RYR3: variants seen among roughly 807,000 people sequenced by gnomAD.
The protein encoded by RYR3 is ryanodine receptor 3, also known as brain ryanodine receptor-calcium release channel.
A neutral mutation model predicts 584.3 loss-of-function variants in RYR3; 207 were observed. The observed-to-expected ratio is 0.35, with a 90% CI of 0.32 to 0.40. The LOEUF is 0.40. Among genes scored for constraint, RYR3 ranks in the 10% least tolerant of loss-of-function variants. The pLI is 1.00. For synonymous variants in RYR3, 2,416 were observed against 2,248.5 expected (o/e 1.07, Z -2.11); for missense variants, 5,616 against 6,089.2 (o/e 0.92, Z 2.59).
chr15:33,360,890 G>C (rs970910547), intron 1 of RYR3, among the ~76,000 whole-genome samples: 1 of 152,262 alleles, frequency 6.6e-6, no homozygotes, highest in African/African-American at 2.4e-5. Context: ...AGACAGGACA[G>C]TAGACAGACC....
At chr15:33,558,068 T>G (rs762027235) in intron 10 of RYR3, among the ~76,000 whole-genome samples, 81 of 152,310 alleles carry the variant, frequency 5.3e-4, no homozygotes, top group Admixed American at 9.8e-4. Context: ...AAATCCCAGT[T>G]TTTTTTCTGA....
intron 86 of RYR3, among the ~76,000 whole-genome samples, chr15:33,833,786 G>A (rs1015206355): frequency 3.3e-5 from 5 of 152,180 alleles, no homozygotes; most frequent in African/African-American, 7.2e-5. Flanking sequence ...ACAAACTTAC[G>A]TGATTTGGGA....
Position 33,857,817 on chromosome 15 carries a change from A to C in RYR3, c.14045A>C (p.Tyr4682Ser), listed in dbSNP as rs1402253573. The C allele has an allele frequency of 1.2e-6, 2 of 1,614,020 alleles. No homozygotes were observed. The highest frequency in any genetic ancestry group is 1.7e-6 in the Non-Finnish European group (2 of 1,179,974). The stretch of plus-strand genomic sequence containing the variant: ...GTCGGTCTCCTGGCCGTGGTGGTTT[A>C]TCTCTATACTGTGGTGGCTTTCAAC... ...LTVGLLAVVV[Y>S]LYTVVAFNFF... Residue 4682 changes from tyrosine (Y) to serine (S), a missense_variant, in exon 99 of 104, where the codon TAT (tyrosine) becomes TCT (serine). By Grantham distance (144) the Tyr-to-Ser change is moderately radical. Coordinates refer to ENST00000634891, the MANE Select transcript of RYR3 (RefSeq NM_001036.6).
intron 1 of RYR3, among the ~76,000 whole-genome samples, chr15:33,338,323 A>G (rs747047735): frequency 1.3e-5 from 2 of 152,158 alleles, no homozygotes; most frequent in African/African-American, 2.4e-5. Context: ...CGGGGCTCCA[A>G]ATTTAAAGGG....
chr15:33,626,742 G>A (rs2061010626), intron 20 of RYR3, among the ~76,000 whole-genome samples: 1 of 152,138 alleles, frequency 6.6e-6, no homozygotes, highest in Non-Finnish European at 1.5e-5. Flanking sequence ...AGGGGCCAAG[G>A]TACAGCTCAG....
intron 10 of RYR3, among the ~76,000 whole-genome samples, chr15:33,553,968 A>G (rs2056878957): frequency 6.6e-6 from 1 of 151,984 alleles, no homozygotes; most frequent in Non-Finnish European, 1.5e-5. Flanking sequence ...CTTGGAACAT[A>G]TTTGTTTTTT....
intron 35 of RYR3, 35 bp downstream of exon 35, chr15:33,662,983 T>C (rs2063256109): frequency 1.3e-6 from 2 of 1,564,462 alleles, no homozygotes; most frequent in African/African-American, 1.4e-5. Flanking sequence ...GGCAGGTTAA[T>C]AGATCTTCTG....
At position 33,530,485 on chromosome 15, in the gene RYR3, C is replaced by G; in HGVS notation, c.280-107C>G. On this transcript the variant is annotated intron_variant, in intron 3 of 103. Transcript: ENST00000634891. ...TGGAATGAATTCCTTAGGAGCTTTG[C>G]AATGGGTCTTTTCCTGGTAGTCTGT... is the stretch of plus-strand genomic sequence containing the variant. The G allele has an allele frequency of 1.1e-5, 8 of 760,066 alleles. No individual in the cohort carries two copies. The South Asian group carries it at 1.3e-4, about 12-fold the overall frequency. 47.1% of individuals were successfully genotyped at this position (760,066 alleles called of 1,614,324 possible).
rs147364699 is a variant in RYR3, at chr15:33,338,545, C to T, written c.51+27449C>T. Among the ~76,000 whole-genome samples, 1,330 of 152,220 alleles carry T rather than the reference C, an allele frequency of 8.7e-3. 25 individuals are homozygous for T. The highest frequency in any genetic ancestry group is 0.03 in the African/African-American group (1,266 of 41,524). ...CCTGTAAAGACAAGTTATCAATTTC[C>T]ATTGCCGTGGTGAAATTTTAACAGC... On this transcript the variant is annotated intron_variant, in intron 1 of 103. Transcript: ENST00000634891.
intron 102 of RYR3, among the ~76,000 whole-genome samples, chr15:33,862,128 C>T (rs554938319): frequency 2.0e-5 from 3 of 152,162 alleles, no homozygotes; most frequent in East Asian, 1.9e-4. Context: ...TGTAACTGTT[C>T]ATTTACAAGA....
chr15:33,660,349 C>G lies in RYR3; in HGVS notation c.4548C>G (p.Ser1516Arg), dbSNP rs200944014. The change falls in exon 34 of 104, where the codon AGC becomes AGG. Residue 1516 changes from serine to arginine, a missense_variant. Ser to Arg is a moderately radical substitution (Grantham distance 110). This residue lies in a region of RYR3 where 753 missense variants were observed against 741.0 expected (regional missense o/e 1.02). Coordinates refer to ENST00000634891, the MANE Select transcript of RYR3 (RefSeq NM_001036.6). ...TGAAGGTGGAGACCGAGCGTGTGAG[C>G]GAGCGCCACGGCTGGGTGGTGCAGT... ...SFLKVETERV[S>R]ERHGWVVQCL... 1.2e-4 allele frequency: 188 copies of G among 1,591,822 alleles called. No homozygotes were observed. Among genetic ancestry groups the G allele is most frequent in the Middle Eastern group, 4.9e-4 (3 of 6,068 alleles).
chr15:33,839,032 C>T, intron 89 of RYR3, 74 bp downstream of exon 89: 1 of 1,513,716 alleles, frequency 6.6e-7, no homozygotes, highest in Admixed American at 2.1e-5. Context: ...GTAATCAGTA[C>T]TGACACCATT....
chr15:33,454,718 A>T (rs1342707273), intron 1 of RYR3, among the ~76,000 whole-genome samples: 1 of 152,202 alleles, frequency 6.6e-6, no homozygotes, highest in East Asian at 1.9e-4. Flanking sequence ...AGTGTGATAG[A>T]GGCATGCATC....
At chr15:33,468,178 TATAG>T (rs2048639997) in intron 1 of RYR3, among the ~76,000 whole-genome samples, 1 of 152,144 alleles carries the variant, frequency 6.6e-6, no homozygotes, top group Non-Finnish European at 1.5e-5. Flanking sequence ...CTTTATCAAA[TATAG>T]AGCATATTAG....
intron 67 of RYR3, among the ~76,000 whole-genome samples, chr15:33,795,794 G>C (rs1243492429): frequency 6.6e-6 from 1 of 152,166 alleles, no homozygotes; most frequent in African/African-American, 2.4e-5. Context: ...GCCTCCCAAA[G>C]TGCTGGGATT....
At chr15:33,659,582 G>A (rs1194493030) in intron 32 of RYR3, 138 bp from the exon 33 acceptor site, 31 of 649,526 alleles carry the variant, frequency 4.8e-5, no homozygotes, top group South Asian at 4.4e-4. Flanking sequence ...TGGTCTCTGC[G>A]AATTTCTGAG....
At chr15:33,556,623 C>G (rs765418677) in intron 10 of RYR3, among the ~76,000 whole-genome samples, 14 of 152,192 alleles carry the variant, frequency 9.2e-5, no homozygotes, top group Non-Finnish European at 1.8e-4. Flanking sequence ...CACACGAAGT[C>G]TGTTAACAAT....
At chr15:33,802,793 T>A (rs2075988662) in intron 69 of RYR3, among the ~76,000 whole-genome samples, 1 of 152,242 alleles carries the variant, frequency 6.6e-6, no homozygotes, top group Admixed American at 6.5e-5. Context: ...TGATTTTATA[T>A]GTCAAGTATA....
chr15:33,731,442 A>T, intron 47 of RYR3, 32 bp from the exon 48 acceptor site: 3 of 1,523,594 alleles, frequency 2.0e-6, no homozygotes, highest in Non-Finnish European at 2.7e-6. Context: ...TCCTCAGGGC[A>T]ATTAACCTGT....
Sources: gnomAD v4.1 joint callset for allele counts (sites outside exome capture counted in the v4.1 genomes callset) on GRCh38, gnomAD v4.1.1 for gene constraint, gnomAD v4.1.1 regional missense constraint, MANE v1.5 for transcripts, NCBI Gene and HGNC (gene_info 2026-07-23, HGNC 2026-07-21) for gene names.